ECM2: variants seen among roughly 807,000 people sequenced by gnomAD.
ECM2 encodes the protein extracellular matrix protein 2, female organ and adipocyte specific.
ECM2 carries 57 observed loss-of-function variants against 67.5 expected under a neutral mutation model. The observed-to-expected ratio is 0.84, with a 90% CI of 0.68 to 1.05. The LOEUF (loss-of-function observed/expected upper bound fraction) is 1.05, where lower values mean the gene tolerates loss of function less well. Among genes scored for constraint, ECM2 ranks in the 50% least tolerant of loss-of-function variants. The pLI, the probability that ECM2 is intolerant of heterozygous loss-of-function variation, is 0.00. For missense variants in ECM2, 741 were observed against 822.8 expected (o/e 0.90, Z 1.22); for synonymous variants, 258 against 294.5 (o/e 0.88, Z 1.27).
rs576358748 is a variant in ECM2 at position 92,524,680 on chromosome 9, C to T, written c.-27-1787G>A. Among the ~76,000 whole-genome samples the T allele has an allele frequency of 5.2e-4, 79 of 152,278 alleles. 1 individual carries two copies. Among genetic ancestry groups the T allele is most frequent in the African/African-American group, 1.9e-3 (78 of 41,564 alleles). Reference sequence around the variant, plus strand: ...AGATGAAAAGCCTTCCTTACACAGCCAGTATGGAGGAGAAACTAAAACCCC... The same window carrying T: ...AGATGAAAAGCCTTCCTTACACAGCTAGTATGGAGGAGAAACTAAAACCCC... On this transcript the variant is annotated intron_variant, in intron 1 of 9. Transcript: ENST00000344604.
chr9:92,546,642 C>T, the ECM2 span, among the ~76,000 whole-genome samples: 5 of 152,200 alleles, frequency 3.3e-5, no homozygotes, highest in African/African-American at 1.2e-4. Flanking sequence ...AAACTCTGGA[C>T]ACGCTGCCTT....
chr9:92,534,639 T>G (rs995849157), intron 1 of ECM2, among the ~76,000 whole-genome samples: 4 of 152,166 alleles, frequency 2.6e-5, no homozygotes, highest in African/African-American at 9.7e-5. Context: ...CCAAATCCAT[T>G]AGCTGATTGG....
chr9:92,541,457 T>G (rs1381363065), upstream of ECM2, among the ~76,000 whole-genome samples: 1 of 61,906 alleles, frequency 1.6e-5, no homozygotes, highest in Non-Finnish European at 3.0e-5. Context: ...ACCCTCCTGG[T>G]TCAAGCGATT....
Position 92,496,424 on chromosome 9 carries a change from T to C in ECM2, c.1991A>G (p.His664Arg). ...AEEDDDSNLE[H>R]LHLENNYIKI... is the part of the protein sequence containing the mutation. ...AATATAATTGTTTTCAAGATGAAGA[T>C]GTTCCAGATTTGAGTCATCATCCTC... Residue 664 changes from histidine (H) to arginine (R), a missense_variant, in exon 10 of 10, where the codon CAT becomes CGT. Coordinates refer to ENST00000344604, the MANE Select transcript of ECM2 (RefSeq NM_001393.4). The C allele has an allele frequency of 6.2e-7, 1 of 1,609,870 alleles. No homozygotes were observed.
intron 5 of ECM2, among the ~76,000 whole-genome samples, chr9:92,511,544 T>A (rs933846408): frequency 3.9e-5 from 6 of 152,120 alleles, no homozygotes; most frequent in Admixed American, 3.9e-4. Flanking sequence ...CTAATTTTTA[T>A]ATGAGCCTAT....
In ECM2 at chr9:92,496,440, C is replaced by A; in HGVS notation, c.1975G>T (p.Asp659Tyr). ...AGATGAAGATGTTCCAGATTTGAGT[C>A]ATCATCCTCTTCAGCATTGCAAATT... The part of the protein sequence containing the change: ...EEICNAEEDD[D>Y]SNLEHLHLEN... The change falls in exon 10 of 10, where the codon GAC (aspartate) becomes TAC (tyrosine). Residue 659 changes from aspartate (D) to tyrosine (Y), a missense_variant. Physicochemically the swap from Asp to Tyr is radical, Grantham distance 160. Coordinates refer to ENST00000344604, the MANE Select transcript of ECM2 (RefSeq NM_001393.4). 1 of 1,608,280 alleles carries A rather than the reference C, an allele frequency of 6.2e-7. No individual in the cohort carries two copies. The highest frequency in any genetic ancestry group is 1.1e-5 in the South Asian group (1 of 89,378).
intron 3 of ECM2, among the ~76,000 whole-genome samples, chr9:92,516,149 C>G (rs760263673): frequency 1.3e-5 from 2 of 151,692 alleles, no homozygotes; most frequent in Non-Finnish European, 2.9e-5. Context: ...CTGCACCCTC[C>G]GCCTCCCGGG....
the ECM2 span, among the ~76,000 whole-genome samples, chr9:92,548,561 T>C: frequency 6.6e-6 from 1 of 152,234 alleles, no homozygotes. Context: ...AAACAAGTTA[T>C]ACTGCCTAGA....
chr9:92,551,962 A>G, the ECM2 span, among the ~76,000 whole-genome samples: 3 of 112,864 alleles, frequency 2.7e-5, 1 homozygote, highest in Non-Finnish European at 5.1e-5. Context: ...TGATATATAT[A>G]TGTGTGATAT....
chr9:92,546,463 G>A, the ECM2 span, among the ~76,000 whole-genome samples: 1 of 152,062 alleles, frequency 6.6e-6, no homozygotes, highest in Non-Finnish European at 1.5e-5. Context: ...CTTCGCTCCT[G>A]AAGCCAGCGA....
In ECM2 at chr9:92,514,624, C is replaced by T. The variant is rs763748198; in HGVS notation, c.1054+7G>A. 5 of 1,561,226 alleles carry T rather than the reference C, an allele frequency of 3.2e-6. No homozygotes were observed. The highest frequency in any genetic ancestry group is 4.3e-6 in the Non-Finnish European group (5 of 1,152,716). ...CACAAAATAAAGCAGAAGTCAACAT[C>T]TCTTACCAGTGAGCTCCAGACTTGT... On this transcript the variant is annotated splice_region_variant and intron_variant, in intron 4 of 9. Coordinates refer to ENST00000344604, the MANE Select transcript of ECM2 (RefSeq NM_001393.4).
the ECM2 span, among the ~76,000 whole-genome samples, chr9:92,556,451 T>C: frequency 6.6e-6 from 1 of 152,202 alleles, no homozygotes; most frequent in Non-Finnish European, 1.5e-5. Flanking sequence ...CCCACTATTA[T>C]TGTGTTGCTG....
intron 3 of ECM2, among the ~76,000 whole-genome samples, chr9:92,516,170 T>G (rs1847706717): frequency 6.6e-6 from 1 of 151,704 alleles, no homozygotes; most frequent in South Asian, 2.1e-4. Context: ...TTCAAGCGAT[T>G]CTCCTGCCTC....
chr9:92,513,732 G>A (rs192041131), intron 4 of ECM2, among the ~76,000 whole-genome samples: 4 of 152,334 alleles, frequency 2.6e-5, no homozygotes, highest in Non-Finnish European at 5.9e-5. Context: ...AGGCAAAACT[G>A]TAGAGACAGA....
the ECM2 span, among the ~76,000 whole-genome samples, chr9:92,546,400 T>C: frequency 6.6e-6 from 1 of 152,156 alleles, no homozygotes; most frequent in Non-Finnish European, 1.5e-5. Flanking sequence ...TGCTCACTCT[T>C]TGGGTCCACG....
At position 92,495,649 on chromosome 9, in the gene ECM2, G is replaced by C; in HGVS notation, c.*666C>G. On this transcript the variant is annotated 3_prime_UTR_variant, in exon 10 of 10. Transcript: ENST00000344604. The stretch of plus-strand genomic sequence containing the variant: ...GAATTATAGAAAAGTTTCAAAAAGA[G>C]TATAGAATTTATGCACACCCTTCTG... 1.1e-6 allele frequency: 1 copy of C among 920,566 alleles called. No homozygotes were observed. Among genetic ancestry groups the C allele is most frequent in the Non-Finnish European group, 1.3e-6 (1 of 770,914 alleles). 57.0% of individuals were successfully genotyped at this position (920,566 alleles called of 1,614,324 possible).
chr9:92,552,146 A>G, the ECM2 span, among the ~76,000 whole-genome samples: 3 of 144,448 alleles, frequency 2.1e-5, no homozygotes, highest in Non-Finnish European at 4.5e-5. Flanking sequence ...TATATGTGAT[A>G]TGATAGATCT....
At chr9:92,529,606 A>G (rs1455579403) in intron 1 of ECM2, among the ~76,000 whole-genome samples, 2 of 152,198 alleles carry the variant, frequency 1.3e-5, no homozygotes, top group African/African-American at 2.4e-5. Flanking sequence ...TATTCAGACA[A>G]TGGAATATTA....
chr9:92,526,211 G>A (rs1469335992), intron 1 of ECM2, among the ~76,000 whole-genome samples: 2 of 152,002 alleles, frequency 1.3e-5, no homozygotes, highest in African/African-American at 2.4e-5. Flanking sequence ...AGGCTAATGC[G>A]TGTTTGTCTC....
Sources: allele counts gnomAD v4.1 joint callset (sites outside exome capture counted in the v4.1 genomes callset), GRCh38; gene constraint gnomAD v4.1.1; transcripts MANE v1.5; gene names NCBI Gene and HGNC (gene_info 2026-07-23, HGNC 2026-07-21).